The following DPP6 variants were observed in gnomAD, a reference collection of about 807,000 sequenced individuals.
DPP6 encodes dipeptidyl peptidase like 6.
A neutral mutation model predicts 122.6 loss-of-function variants in DPP6; 69 were observed. That is an observed-to-expected ratio of 0.56 (90% confidence interval 0.46 to 0.69). The LOEUF (loss-of-function observed/expected upper bound fraction) is 0.69. Ranked by LOEUF, DPP6 falls within the 30% of genes least tolerant of loss-of-function variation. The pLI is 0.00. For synonymous variants in DPP6, 418 were observed against 433.1 expected (o/e 0.97, Z 0.43); for missense variants, 928 against 1,116.9 (o/e 0.83, Z 2.41).
intron 1 of DPP6, among the ~76,000 whole-genome samples, chr7:154,169,473 A>G (rs573404242): frequency 2.6e-5 from 4 of 152,308 alleles, no homozygotes; most frequent in Admixed American, 2.6e-4. Flanking sequence ...CAGCACCGAT[A>G]CATACCAGCT....
intron 1 of DPP6, among the ~76,000 whole-genome samples, chr7:154,304,575 TC>T (rs374448739): frequency 2.1e-5 from 3 of 144,632 alleles, no homozygotes; most frequent in African/African-American, 8.7e-5. Flanking sequence ...GTTTTTTTTT[TC>T]CTCTCTCTCT....
chr7:154,538,304 T>C (rs1342779740), intron 3 of DPP6, among the ~76,000 whole-genome samples: 1 of 152,148 alleles, frequency 6.6e-6, no homozygotes, highest in Non-Finnish European at 1.5e-5. Context: ...TAGGTAAATG[T>C]GTACCATGGT....
chr7:154,761,080 C>A (rs1795519889), intron 8 of DPP6, among the ~76,000 whole-genome samples: 1 of 152,150 alleles, frequency 6.6e-6, no homozygotes, highest in Non-Finnish European at 1.5e-5. Flanking sequence ...AGTGATCCAC[C>A]CACCTTGGCC....
intron 1 of DPP6, among the ~76,000 whole-genome samples, chr7:153,938,106 G>A (rs1801541670): frequency 1.3e-5 from 2 of 152,146 alleles, no homozygotes; most frequent in African/African-American, 4.8e-5. Context: ...AGAATATGAT[G>A]AGCTCCCTGC....
chr7:153,893,196 C>A (rs900354629), intron 1 of DPP6, among the ~76,000 whole-genome samples: 9 of 152,096 alleles, frequency 5.9e-5, no homozygotes, highest in Admixed American at 2.6e-4. Context: ...TTCATATATC[C>A]ACTGGGTCTG....
At chr7:154,074,940 C>T (rs924484589) in intron 1 of DPP6, among the ~76,000 whole-genome samples, 2 of 150,876 alleles carry the variant, frequency 1.3e-5, no homozygotes, top group African/African-American at 2.4e-5. Flanking sequence ...GTACAAGGAA[C>T]TCAAACAAAT....
chr7:154,224,026 T>C (rs1800453932), intron 1 of DPP6, among the ~76,000 whole-genome samples: 1 of 146,598 alleles, frequency 6.8e-6, no homozygotes, highest in Non-Finnish European at 1.5e-5. Context: ...AGGAGAACAC[T>C]GTGGCCCAGG....
intron 1 of DPP6, among the ~76,000 whole-genome samples, chr7:154,339,899 C>A (rs541831814): frequency 1.5e-4 from 23 of 152,126 alleles, no homozygotes; most frequent in Admixed American, 2.6e-4. Context: ...ATGGAGAAAC[C>A]CCGTCTCTAC....
At chr7:154,261,801 A>G (rs1246979293) in intron 1 of DPP6, among the ~76,000 whole-genome samples, 5 of 152,266 alleles carry the variant, frequency 3.3e-5, no homozygotes, top group Non-Finnish European at 5.9e-5. Flanking sequence ...GCTCAACATC[A>G]TTAATGATCA....
intron 1 of DPP6, among the ~76,000 whole-genome samples, chr7:154,128,240 G>A (rs1280446326): frequency 5.3e-5 from 8 of 151,558 alleles, no homozygotes; most frequent in Admixed American, 1.3e-4. Flanking sequence ...CTATTGGACC[G>A]TACAATTAAA....
chr7:154,343,879 C>A (rs560791336), intron 1 of DPP6, among the ~76,000 whole-genome samples: 110 of 152,360 alleles, frequency 7.2e-4, no homozygotes, highest in African/African-American at 2.5e-3. Flanking sequence ...CCATGCCTGG[C>A]TAATTTTTGT....
At chr7:153,757,681 G>A in the DPP6 span, among the ~76,000 whole-genome samples, 2 of 152,320 alleles carry the variant, frequency 1.3e-5, no homozygotes, top group African/African-American at 2.4e-5. Flanking sequence ...CCATGGGCCG[G>A]GCACGGTGGT....
intron 5 of DPP6, among the ~76,000 whole-genome samples, chr7:154,599,432 G>T (rs943607522): frequency 6.6e-6 from 1 of 152,022 alleles, no homozygotes; most frequent in East Asian, 1.9e-4. Context: ...GTGAATATTT[G>T]TGGGTAAGGC....
intron 1 of DPP6, among the ~76,000 whole-genome samples, chr7:154,246,961 T>C (rs1802020988): frequency 6.6e-6 from 1 of 152,220 alleles, no homozygotes; most frequent in African/African-American, 2.4e-5. Flanking sequence ...ATAAAAAAAT[T>C]GATCAATTGG....
intron 1 of DPP6, among the ~76,000 whole-genome samples, chr7:154,264,611 A>ATGG (rs1803254243): frequency 6.6e-6 from 1 of 152,120 alleles, no homozygotes; most frequent in Admixed American, 6.6e-5. Flanking sequence ...TGTGATGATG[A>ATGG]TGGTGGTGAT....
intron 8 of DPP6, among the ~76,000 whole-genome samples, chr7:154,757,563 G>A (rs1235305682): frequency 6.6e-6 from 1 of 152,182 alleles, no homozygotes. Flanking sequence ...TGCACTGAGG[G>A]CGTGGGATGA....
intron 1 of DPP6, among the ~76,000 whole-genome samples, chr7:154,365,972 A>C (rs111776892): frequency 6.7e-6 from 1 of 149,348 alleles, no homozygotes; most frequent in East Asian, 2.0e-4. Flanking sequence ...AAAAAAAAAA[A>C]AAAAAAAGTG....
chr7:153,773,841 T>A, the DPP6 span, among the ~76,000 whole-genome samples: 18 of 94,150 alleles, frequency 1.9e-4, no homozygotes, highest in Middle Eastern at 6.4e-3. Context: ...AGGAAAGAAA[T>A]AATAAAGATG....
the DPP6 span, among the ~76,000 whole-genome samples, chr7:153,833,121 G>A: frequency 6.6e-6 from 1 of 152,156 alleles, no homozygotes; most frequent in Non-Finnish European, 1.5e-5. Flanking sequence ...AGTTTTCATG[G>A]CAATGCGAAA....
Sources: gnomAD v4.1 joint callset for allele counts (sites outside exome capture counted in the v4.1 genomes callset) on GRCh38, gnomAD v4.1.1 for gene constraint, MANE v1.5 for transcripts, NCBI Gene and HGNC (gene_info 2026-07-23, HGNC 2026-07-21) for gene names.